The following ARHGAP28 variants were observed in gnomAD, a reference collection of about 807,000 sequenced individuals.
ARHGAP28 encodes the protein Rho GTPase activating protein 28.
Under a neutral mutation model 90.7 loss-of-function variants are expected in ARHGAP28, and 56 were observed. That is an observed-to-expected ratio of 0.62 (90% confidence interval 0.50 to 0.77). The LOEUF (loss-of-function observed/expected upper bound fraction) is 0.77. ARHGAP28 is among the 30% of genes least tolerant of loss of function. The probability of loss-of-function intolerance (pLI) is 0.00; values close to 1 mark genes in which losing one functional copy is unlikely to be tolerated. For missense variants in ARHGAP28, 869 were observed against 900.9 expected, an observed-to-expected ratio of 0.96 and a Z score of 0.45; for synonymous variants, 308 against 323.3, an observed-to-expected ratio of 0.95 and a Z score of 0.51.
At chr18:6,735,908 G>T (rs534283214) in intron 1 of ARHGAP28, among the ~76,000 whole-genome samples, 1 of 152,248 alleles carries the variant, frequency 6.6e-6, no homozygotes, top group African/African-American at 2.4e-5. Flanking sequence ...GTCCCTCTGA[G>T]GGCATCATAC....
At chr18:6,759,412 T>C (rs1358761277) in intron 1 of ARHGAP28, among the ~76,000 whole-genome samples, 1 of 152,370 alleles carries the variant, frequency 6.6e-6, no homozygotes, top group Admixed American at 6.5e-5. Flanking sequence ...TTCTGTAGCA[T>C]GTAAAGTTAC....
intron 10 of ARHGAP28, among the ~76,000 whole-genome samples, chr18:6,878,522 A>G (rs1196118474): frequency 2.0e-5 from 3 of 152,138 alleles, no homozygotes; most frequent in Admixed American, 6.5e-5. Flanking sequence ...GGCATTTCTT[A>G]TGTGCACAAA....
At chr18:6,911,892 A>G (rs2057401366) in intron 17 of ARHGAP28, among the ~76,000 whole-genome samples, 168 bp from the exon 18 acceptor site, 1 of 152,176 alleles carries the variant, frequency 6.6e-6, no homozygotes, top group African/African-American at 2.4e-5. Flanking sequence ...GAGAGGGAGA[A>G]GAGGGAAGAA....
At chr18:6,832,239 G>T (rs1388648954) in intron 2 of ARHGAP28, among the ~76,000 whole-genome samples, 1 of 151,502 alleles carries the variant, frequency 6.6e-6, no homozygotes, top group African/African-American at 2.4e-5. Flanking sequence ...TAGACATGTT[G>T]TTATTGATTT....
At position 6,890,502 on chromosome 18, in the gene ARHGAP28, A is replaced by G; in HGVS notation, c.1807A>G (p.Ser603Gly). The G allele has an allele frequency of 6.2e-7, 1 of 1,613,558 alleles. No individual in the cohort carries two copies. The highest frequency in any genetic ancestry group is 1.1e-5 in the South Asian group (1 of 90,938). The stretch of plus-strand genomic sequence containing the variant: ...GATGCTATTGAAGAAGCAGCTCCCA[A>G]GTGTCAGGAAGCTGCTCAGGAGGAA... The part of the protein sequence containing the change: ...ATMLLKKQLP[S>G]VRKLLRRKTL... The change falls in exon 14 of 18, where the codon AGT (serine) becomes GGT (glycine). Residue 603 changes from serine to glycine, a missense_variant. Coordinates refer to ENST00000383472, the MANE Select transcript of ARHGAP28 (RefSeq NM_001366230.1).
chr18:6,822,439 G>A (rs922277581), intron 1 of ARHGAP28, among the ~76,000 whole-genome samples: 1 of 152,016 alleles, frequency 6.6e-6, no homozygotes, highest in African/African-American at 2.4e-5. Context: ...GTGTTTTTCA[G>A]TATTAGTCTT....
At chr18:6,872,935 TA>T (rs1235637089) in intron 7 of ARHGAP28, among the ~76,000 whole-genome samples, 1 of 152,148 alleles carries the variant, frequency 6.6e-6, no homozygotes, top group Non-Finnish European at 1.5e-5. Flanking sequence ...AAAAGTCTCT[TA>T]AAGTGTGCAG....
chr18:6,852,081 G>C (rs1005530058), intron 4 of ARHGAP28, among the ~76,000 whole-genome samples: 1 of 152,066 alleles, frequency 6.6e-6, no homozygotes, highest in Non-Finnish European at 1.5e-5. Context: ...CAATAATCCT[G>C]TTTTTAAAAG....
intron 1 of ARHGAP28, among the ~76,000 whole-genome samples, chr18:6,743,035 T>A (rs2055992739): frequency 6.6e-6 from 1 of 152,134 alleles, no homozygotes; most frequent in Admixed American, 6.5e-5. Flanking sequence ...TTGCTGCAGG[T>A]TGAAGAGTGA....
Position 6,824,799 on chromosome 18 carries a change from C to T in ARHGAP28, c.160C>T (p.Leu54Phe). The T allele has an allele frequency of 6.5e-7, 1 of 1,535,200 alleles. No individual in the cohort carries two copies. Among genetic ancestry groups the T allele is most frequent in the Non-Finnish European group, 8.7e-7 (1 of 1,146,408 alleles). The change falls in exon 2 of 18, where the codon CTC becomes TTC. Residue 54 changes from leucine to phenylalanine, a missense_variant. Coordinates refer to ENST00000383472, the MANE Select transcript of ARHGAP28 (RefSeq NM_001366230.1). ...IPRCRRINRMLSNESLHPPAF... is the reference protein window; with the variant it reads ...IPRCRRINRMFSNESLHPPAF... Reference sequence around the variant, plus strand: ...TCGCTGCCGAAGAATTAACAGGATGCTCTCCAATGAATCCCTCCATCCTCC... The same window carrying T: ...TCGCTGCCGAAGAATTAACAGGATGTTCTCCAATGAATCCCTCCATCCTCC...
At chr18:6,883,875 G>A (rs1004154137) in intron 11 of ARHGAP28, among the ~76,000 whole-genome samples, 3 of 152,038 alleles carry the variant, frequency 2.0e-5, no homozygotes, top group African/African-American at 7.2e-5. Flanking sequence ...TTTTTTTAAT[G>A]AGAAAAACTT....
At chr18:6,744,369 A>AT (rs2056004606) in intron 1 of ARHGAP28, among the ~76,000 whole-genome samples, 1 of 152,158 alleles carries the variant, frequency 6.6e-6, no homozygotes, top group South Asian at 2.1e-4. Flanking sequence ...ACTCAGTGAC[A>AT]TACCCAATTT....
chr18:6,882,577 A>G (rs1053451079), intron 11 of ARHGAP28, among the ~76,000 whole-genome samples: 1 of 152,226 alleles, frequency 6.6e-6, no homozygotes, highest in African/African-American at 2.4e-5. Context: ...TAGCCATGCA[A>G]TCAAACCTTC....
intron 12 of ARHGAP28, among the ~76,000 whole-genome samples, chr18:6,889,558 A>C (rs1432198396): frequency 6.6e-6 from 1 of 152,226 alleles, no homozygotes; most frequent in East Asian, 1.9e-4. Flanking sequence ...ATTGAACTGC[A>C]GCATTTTCTC....
chr18:6,744,063 G>T (rs576982354), intron 1 of ARHGAP28, among the ~76,000 whole-genome samples: 1 of 152,138 alleles, frequency 6.6e-6, no homozygotes, highest in South Asian at 2.1e-4. Flanking sequence ...AGATACTCTG[G>T]GAAAGCAGAG....
In ARHGAP28 at chr18:6,808,934, C is replaced by T. The variant is rs117999716; in HGVS notation, c.123-15828C>T. 4.5e-4 allele frequency among the ~76,000 whole-genome samples: 69 copies of T among 152,250 alleles called. No individual in the cohort carries two copies. The East Asian group carries it at 0.011, about 25-fold the overall frequency. On this transcript the variant is annotated intron_variant, in intron 1 of 17. Coordinates refer to ENST00000383472, the MANE Select transcript of ARHGAP28 (RefSeq NM_001366230.1). Reference sequence around the variant, plus strand: ...GGCATTCAGCCAGAGTCAAGGGGACCCCCATGCCAATTCCTAAAGCAATAT... The same window carrying T: ...GGCATTCAGCCAGAGTCAAGGGGACTCCCATGCCAATTCCTAAAGCAATAT...
chr18:6,827,760 A>T (rs1476895543), intron 2 of ARHGAP28, among the ~76,000 whole-genome samples: 1 of 146,924 alleles, frequency 6.8e-6, no homozygotes, highest in African/African-American at 2.5e-5. Context: ...GGCGGTTGCC[A>T]GGCGGAGGGT....
At chr18:6,850,861 A>T in intron 3 of ARHGAP28, 173 bp from the exon 4 acceptor site, 1 of 1,536,950 alleles carries the variant, frequency 6.5e-7, no homozygotes, top group Non-Finnish European at 8.7e-7. Flanking sequence ...GGATCAATGT[A>T]ATTATGAATG....
chr18:6,894,789 A>G lies in ARHGAP28; in HGVS notation c.1849-46A>G, dbSNP rs760416807. ...CAGTTTACACTTCCAAAAGCAACAT[A>G]TGCTTGTTTTCTCAACATTACTCCT... On this transcript the variant is annotated intron_variant, in intron 14 of 17. Coordinates refer to ENST00000383472, the MANE Select transcript of ARHGAP28 (RefSeq NM_001366230.1). 8 of 1,557,494 alleles carry G rather than the reference A, an allele frequency of 5.1e-6. No homozygotes were observed. The South Asian group carries it at 5.6e-5, about 11-fold the overall frequency.
Sources: allele counts gnomAD v4.1 joint callset (sites outside exome capture counted in the v4.1 genomes callset), GRCh38; gene constraint gnomAD v4.1.1; transcripts MANE v1.5; gene names NCBI Gene and HGNC (gene_info 2026-07-23, HGNC 2026-07-21).